Variants in KDM4B observed in about 807,000 individuals in gnomAD.
KDM4B encodes the protein lysine demethylase 4B, also known as lysine-specific demethylase 4B.
KDM4B carries 32 observed loss-of-function variants against 125.2 expected under a neutral mutation model. The ratio of observed to expected loss-of-function variants is 0.26; its 90% CI spans 0.19 to 0.34. The LOEUF (loss-of-function observed/expected upper bound fraction) is 0.34. Ranked by LOEUF, KDM4B falls within the 10% of genes least tolerant of loss-of-function variation. The pLI is 1.00. For missense variants in KDM4B, 1,190 were observed against 1,577.7 expected, an observed-to-expected ratio of 0.75 and a Z score of 4.16; for synonymous variants, 721 against 677.9, an observed-to-expected ratio of 1.06 and a Z score of -0.99.
At chr19:4,973,820 A>G (rs1430233590) in intron 1 of KDM4B, among the ~76,000 whole-genome samples, 3 of 138,686 alleles carry the variant, frequency 2.2e-5, no homozygotes, top group Non-Finnish European at 3.2e-5. Context: ...GAAACAAAGC[A>G]TATTAAAAAA....
At chr19:5,037,029 C>T (rs556190101) in intron 3 of KDM4B, among the ~76,000 whole-genome samples, 5 of 152,286 alleles carry the variant, frequency 3.3e-5, no homozygotes, top group Admixed American at 2.0e-4. Context: ...CAGTGCCCGC[C>T]GTGGAAGGGA....
intron 1 of KDM4B, among the ~76,000 whole-genome samples, chr19:4,998,458 C>G (rs2145416131): frequency 6.6e-6 from 1 of 152,326 alleles, no homozygotes; most frequent in South Asian, 2.1e-4. Flanking sequence ...ACATTCCCTG[C>G]TTTGCCTTTA....
chr19:4,979,975 C>T (rs1366486357), intron 1 of KDM4B, among the ~76,000 whole-genome samples: 1 of 151,984 alleles, frequency 6.6e-6, no homozygotes, highest in Admixed American at 6.6e-5. Context: ...CATAGTGGTG[C>T]ACGCCTGTAG....
chr19:5,091,309 C>G (rs978841606), intron 9 of KDM4B, among the ~76,000 whole-genome samples: 4 of 152,214 alleles, frequency 2.6e-5, no homozygotes, highest in African/African-American at 9.7e-5. Context: ...GGCTGGAAGG[C>G]TGGGGAGCCA....
intron 6 of KDM4B, among the ~76,000 whole-genome samples, chr19:5,058,232 C>A (rs2037471052): frequency 1.3e-5 from 2 of 152,164 alleles, no homozygotes; most frequent in African/African-American, 4.8e-5. Context: ...TCTGCCCAAG[C>A]CCTGACGGAG....
intron 9 of KDM4B, among the ~76,000 whole-genome samples, chr19:5,084,378 A>G (rs2038404573): frequency 6.9e-6 from 1 of 143,990 alleles, no homozygotes; most frequent in African/African-American, 2.5e-5. Context: ...TAATTTATAT[A>G]TTGTATATTT....
intron 9 of KDM4B, among the ~76,000 whole-genome samples, chr19:5,088,802 A>C (rs2038594604): frequency 6.6e-6 from 1 of 152,140 alleles, no homozygotes; most frequent in Non-Finnish European, 1.5e-5. Context: ...ATACAGAAGG[A>C]AGAATGTGCA....
intron 1 of KDM4B, among the ~76,000 whole-genome samples, chr19:4,970,008 G>C (rs1016420132): frequency 4.6e-5 from 7 of 152,156 alleles, no homozygotes; most frequent in African/African-American, 1.7e-4. Context: ...AATGAATTGA[G>C]GAGTTGCTTC....
At chr19:5,008,485 A>G (rs960691489) in intron 1 of KDM4B, among the ~76,000 whole-genome samples, 5 of 152,166 alleles carry the variant, frequency 3.3e-5, no homozygotes, top group Admixed American at 6.5e-5. Flanking sequence ...TGGTTCTTAC[A>G]TTAACATATA....
intron 1 of KDM4B, among the ~76,000 whole-genome samples, chr19:5,013,389 A>G (rs1273988422): frequency 2.0e-5 from 3 of 152,130 alleles, no homozygotes; most frequent in Non-Finnish European, 1.5e-5. Flanking sequence ...CGCTGAAGTC[A>G]GGGAGGTACC....
chr19:4,974,839 C>T (rs187290340), intron 1 of KDM4B, among the ~76,000 whole-genome samples: 2 of 152,080 alleles, frequency 1.3e-5, no homozygotes, highest in Non-Finnish European at 2.9e-5. Flanking sequence ...CTTCCTGTTG[C>T]CCTTGGGAAA....
chr19:5,110,965 G>GTCC, intron 10 of KDM4B, 147 bp downstream of exon 10: 1 of 643,752 alleles, frequency 1.6e-6, no homozygotes, highest in Non-Finnish European at 2.6e-6. Flanking sequence ...CTCCTCTTTC[G>GTCC]TCCTCCTCCT....
At chr19:5,063,530 G>A (rs987131691) in intron 6 of KDM4B, among the ~76,000 whole-genome samples, 2 of 152,210 alleles carry the variant, frequency 1.3e-5, no homozygotes, top group African/African-American at 4.8e-5. Context: ...GAGGACATCT[G>A]TGACCTGGTC....
At chr19:5,121,587 A>G (rs540035394) in intron 11 of KDM4B, among the ~76,000 whole-genome samples, 2 of 152,294 alleles carry the variant, frequency 1.3e-5, no homozygotes, top group South Asian at 4.1e-4. Context: ...GATGCCCCTT[A>G]TGGTGCTAGC....
chr19:5,108,913 G>GC (rs1409864232), intron 9 of KDM4B, among the ~76,000 whole-genome samples: 3 of 152,110 alleles, frequency 2.0e-5, no homozygotes, highest in Non-Finnish European at 2.9e-5. Context: ...CCGTGCCTCT[G>GC]CCCCCCACGC....
chr19:5,014,510 T>C (rs1009060671), intron 1 of KDM4B, among the ~76,000 whole-genome samples: 1 of 151,936 alleles, frequency 6.6e-6, no homozygotes, highest in East Asian at 1.9e-4. Context: ...CTCCTGACCT[T>C]GTGATCCACC....
intron 6 of KDM4B, among the ~76,000 whole-genome samples, chr19:5,058,004 G>A (rs1252317523): frequency 6.6e-6 from 1 of 152,218 alleles, no homozygotes; most frequent in Non-Finnish European, 1.5e-5. Flanking sequence ...GGCTGCTTAG[G>A]GGGCCATGTC....
At chr19:5,086,650 C>A (rs977620212) in intron 9 of KDM4B, among the ~76,000 whole-genome samples, 9 of 152,326 alleles carry the variant, frequency 5.9e-5, no homozygotes, top group South Asian at 2.1e-4. Context: ...CCTCCTCCCC[C>A]CCCCAGCCCC....
chr19:5,115,626 A>G lies in KDM4B; in HGVS notation c.1116-4027A>G, dbSNP rs1377970082. Among the ~76,000 whole-genome samples the G allele has an allele frequency of 1.3e-5, 2 of 152,246 alleles. No individual in the cohort carries two copies. Among genetic ancestry groups the G allele is most frequent in the African/African-American group, 4.8e-5 (2 of 41,470 alleles). On this transcript the variant is annotated intron_variant, in intron 10 of 22. Transcript: ENST00000159111. This position sits in a 1 kb window ranked among gnomAD's most constrained non-coding sequence, Gnocchi z 4.2. ...CATTGGAGGCTGCGCTCCCATGACA[A>G]AGGCAGGGCCTGCACAGCAAAGAAG...
Sources: allele counts gnomAD v4.1 joint callset (sites outside exome capture counted in the v4.1 genomes callset), GRCh38; gene constraint gnomAD v4.1.1; non-coding constraint Gnocchi (gnomAD v3.1); transcripts MANE v1.5; gene names NCBI Gene and HGNC (gene_info 2026-07-23, HGNC 2026-07-21).